WDR17: variants seen among roughly 807,000 people sequenced by gnomAD.
The protein encoded by WDR17 is WD repeat-containing protein 17.
A neutral mutation model predicts 161.7 loss-of-function variants in WDR17; 143 were observed. The ratio of observed to expected loss-of-function variants is 0.88; its 90% CI spans 0.77 to 1.02. The LOEUF (loss-of-function observed/expected upper bound fraction) is 1.02. WDR17 is among the 50% of genes least tolerant of loss of function. The pLI is 0.00. For synonymous variants in WDR17, 517 were observed against 515.6 expected (o/e 1.00, Z -0.04); for missense variants, 1,469 against 1,520.9 (o/e 0.97, Z 0.57).
Position 176,111,681 on chromosome 4 carries a change from C to T in WDR17, c.101C>T (p.Thr34Ile). 3.1e-6 allele frequency: 5 copies of T among 1,599,058 alleles called. No homozygotes were observed. The highest frequency in any genetic ancestry group is 4.3e-6 in the Non-Finnish European group (5 of 1,171,078). The change falls in exon 2 of 29, where the codon ACC becomes ATC. Residue 34 changes from threonine to isoleucine, a missense_variant. Physicochemically the swap from Thr to Ile is moderately conservative, Grantham distance 89 (BLOSUM62 -1). Coordinates refer to ENST00000508596, the MANE Select transcript of WDR17 (RefSeq NM_181265.4). ...GGAGACAGGTTTGCATATTGTGCGACCCTGGCTATCTATATTTATCAGGTA... is the reference window on the plus strand; with the variant it reads ...GGAGACAGGTTTGCATATTGTGCGATCCTGGCTATCTATATTTATCAGGTA... Reference protein sequence around the residue: ...ASGDRFAYCATLAIYIYQLDH... With the variant: ...ASGDRFAYCAILAIYIYQLDH...
intron 19 of WDR17, among the ~76,000 whole-genome samples, chr4:176,160,340 G>T (rs1748844775): frequency 6.6e-6 from 1 of 151,846 alleles, no homozygotes; most frequent in Non-Finnish European, 1.5e-5. Context: ...TTATTTTTTT[G>T]AGATGGAGTC....
At chr4:176,075,750 G>C (rs537483137) in intron 1 of WDR17, among the ~76,000 whole-genome samples, 1 of 152,134 alleles carries the variant, frequency 6.6e-6, no homozygotes, top group Admixed American at 6.6e-5. Flanking sequence ...GAGGCAGGAG[G>C]GTCACTTGAG....
intron 26 of WDR17, 115 bp from the exon 27 acceptor site, chr4:176,176,943 G>A (rs895704825): frequency 2.2e-5 from 15 of 678,302 alleles, no homozygotes; most frequent in South Asian, 5.5e-5. Flanking sequence ...TATATATAAC[G>A]TATAATGTCT....
At chr4:176,087,162 A>G (rs1289301170) in intron 1 of WDR17, among the ~76,000 whole-genome samples, 1 of 152,000 alleles carries the variant, frequency 6.6e-6, no homozygotes, top group African/African-American at 2.4e-5. Context: ...CAATATTTCT[A>G]ACATTTTCAT....
intron 1 of WDR17, among the ~76,000 whole-genome samples, chr4:176,094,467 A>C (rs891041003): frequency 6.6e-6 from 1 of 152,220 alleles, no homozygotes; most frequent in Non-Finnish European, 1.5e-5. Flanking sequence ...AGAGACATTT[A>C]ATTTGAGTCT....
chr4:176,127,770 T>A (rs958152891), intron 5 of WDR17, among the ~76,000 whole-genome samples: 1 of 152,188 alleles, frequency 6.6e-6, no homozygotes, highest in Non-Finnish European at 1.5e-5. Context: ...AACCCTGTAC[T>A]CATCAGCAGT....
intron 21 of WDR17, among the ~76,000 whole-genome samples, chr4:176,162,872 A>G (rs1284841015): frequency 6.6e-6 from 1 of 152,166 alleles, no homozygotes; most frequent in African/African-American, 2.4e-5. Flanking sequence ...TATTGAGAAT[A>G]TCATAGAGTG....
At chr4:176,109,705 A>G (rs1205354615) in intron 1 of WDR17, among the ~76,000 whole-genome samples, 1 of 152,238 alleles carries the variant, frequency 6.6e-6, no homozygotes, top group Admixed American at 6.5e-5. Flanking sequence ...TTTAAAATTT[A>G]CTAATTGCTG....
At chr4:176,139,148 T>C (rs1561163579) in intron 9 of WDR17, among the ~76,000 whole-genome samples, 1 of 151,916 alleles carries the variant, frequency 6.6e-6, no homozygotes, top group Non-Finnish European at 1.5e-5. Flanking sequence ...AGCTACAAGA[T>C]AAAAAGTCAC....
intron 22 of WDR17, among the ~76,000 whole-genome samples, chr4:176,165,246 G>A (rs1241770280): frequency 6.6e-6 from 1 of 151,944 alleles, no homozygotes; most frequent in Non-Finnish European, 1.5e-5. Flanking sequence ...GCAGGCACCT[G>A]TAATACCATC....
intron 1 of WDR17, among the ~76,000 whole-genome samples, chr4:176,108,834 G>C (rs1259245935): frequency 6.6e-6 from 1 of 152,128 alleles, no homozygotes; most frequent in African/African-American, 2.4e-5. Flanking sequence ...GTGTCTCCCA[G>C]GCTAGAGTGC....
chr4:176,133,365 C>A (rs1448163696), intron 7 of WDR17, among the ~76,000 whole-genome samples: 1 of 69,634 alleles, frequency 1.4e-5, no homozygotes, highest in Non-Finnish European at 2.7e-5. Flanking sequence ...AAATCTGGGT[C>A]TTTCTACTAA....
rs1252967440 is a variant in WDR17, at chr4:176,133,712, A to G, written c.1099-1396A>G. ...CTCTGAACTGCTGTATGTATGAAGC[A>G]TCTGCAAAGATTCCAGATTACATAG... On this transcript the variant is annotated intron_variant, in intron 7 of 28. Transcript: ENST00000508596. Among the ~76,000 whole-genome samples the G allele has an allele frequency of 4.0e-5, 6 of 151,640 alleles. No individual in the cohort carries two copies. In the East Asian group the frequency reaches 9.6e-4, roughly 24 times the overall value.
intron 1 of WDR17, among the ~76,000 whole-genome samples, chr4:176,106,246 C>T (rs1488191306): frequency 6.6e-6 from 1 of 151,584 alleles, no homozygotes; most frequent in African/African-American, 2.4e-5. Flanking sequence ...TTATATAGAC[C>T]AGTGGAATAT....
In WDR17 at chr4:176,177,110, T is replaced by C; in HGVS notation, c.3502T>C (p.Ser1168Pro). 6.2e-7 allele frequency: 1 copy of C among 1,613,826 alleles called. No individual in the cohort carries two copies. Among genetic ancestry groups the C allele is most frequent in the Non-Finnish European group, 8.5e-7 (1 of 1,179,868 alleles). The change falls in exon 27 of 29, where the codon TCT becomes CCT. Residue 1168 changes from serine (S) to proline (P), a missense_variant. Ser to Pro is a moderately conservative substitution (Grantham distance 74). Coordinates refer to ENST00000508596, the MANE Select transcript of WDR17 (RefSeq NM_181265.4). ...AGTACCTTTAAAAATTGAATATCTT[T>C]CTGAGGAATTGGATGCATGGAGAGC... is the stretch of plus-strand genomic sequence containing the variant. ...VSVPLKIEYL[S>P]EELDAWRACT...
chr4:176,148,200 G>GT lies in WDR17; in HGVS notation c.1763dup (p.Arg589GlufsTer8), dbSNP rs1380731752. On this transcript the variant is annotated frameshift_variant, in exon 13 of 29. Coordinates refer to ENST00000508596, the MANE Select transcript of WDR17 (RefSeq NM_181265.4). LOFTEE classifies it high-confidence loss of function. ...TATTCTTAATGGACACACTGCACCT[G>GT]TGAGAGGATTAATGTGGAATACTGA... 2.5e-6 allele frequency: 4 copies of GT among 1,613,896 alleles called. No individual in the cohort carries two copies. Among genetic ancestry groups the GT allele is most frequent in the Non-Finnish European group, 3.4e-6 (4 of 1,179,972 alleles).
intron 2 of WDR17, 59 bp downstream of exon 2, chr4:176,111,762 A>C (rs568920174): frequency 7.1e-7 from 1 of 1,409,838 alleles, no homozygotes; most frequent in Non-Finnish European, 9.4e-7. Flanking sequence ...TATTTAATTA[A>C]TACATATTTT....
chr4:176,127,320 T>C, intron 5 of WDR17, among the ~76,000 whole-genome samples: 2 of 151,592 alleles, frequency 1.3e-5, no homozygotes, highest in East Asian at 3.9e-4. Context: ...TGAGACAGTG[T>C]CTCGCTCTGT....
chr4:176,067,644 C>T (rs1450325701), intron 1 of WDR17, among the ~76,000 whole-genome samples: 1 of 100,908 alleles, frequency 9.9e-6, no homozygotes, highest in Non-Finnish European at 2.5e-5. Context: ...CCATTAGTCA[C>T]ATAAATAATT....
Sources: allele counts gnomAD v4.1 joint callset (sites outside exome capture counted in the v4.1 genomes callset), GRCh38; gene constraint gnomAD v4.1.1; transcripts MANE v1.5; gene names NCBI Gene and HGNC (gene_info 2026-07-23, HGNC 2026-07-21).